The following CPAMD8 variants were observed in gnomAD, a reference collection of about 807,000 sequenced individuals.
CPAMD8 encodes C3 and PZP-like alpha-2-macroglobulin domain-containing protein 8.
Under a neutral mutation model 224.7 loss-of-function variants are expected in CPAMD8, and 146 were observed. The ratio of observed to expected loss-of-function variants is 0.65; its 90% CI spans 0.57 to 0.75. The LOEUF (loss-of-function observed/expected upper bound fraction) is 0.75. Among genes scored for constraint, CPAMD8 ranks in the 30% least tolerant of loss-of-function variants. CPAMD8 has a pLI of 0.00. For synonymous variants in CPAMD8, 966 were observed against 1,044.6 expected (o/e 0.92, Z 1.45); for missense variants, 2,301 against 2,537.5 (o/e 0.91, Z 2.00).
At chr19:17,003,105 G>A (rs2056384630) in intron 8 of CPAMD8, among the ~76,000 whole-genome samples, 1 of 151,772 alleles carries the variant, frequency 6.6e-6, no homozygotes, top group East Asian at 2.0e-4. Context: ...GTTTCACCAT[G>A]TTGGCCAGCC....
intron 18 of CPAMD8, among the ~76,000 whole-genome samples, chr19:16,964,130 C>G (rs957231002): frequency 1.4e-4 from 22 of 152,212 alleles, no homozygotes; most frequent in Admixed American, 4.6e-4. Context: ...ATTAAAAGAA[C>G]TAGAGAAGCA....
At chr19:17,021,980 C>T (rs774234565) in intron 2 of CPAMD8, 50 bp downstream of exon 2, 7 of 1,510,186 alleles carry the variant, frequency 4.6e-6, no homozygotes, top group Non-Finnish European at 6.2e-6. Flanking sequence ...GCAAGTGGCT[C>T]CACTTTGCAA....
chr19:16,926,819 C>T (rs1237894919), intron 25 of CPAMD8, among the ~76,000 whole-genome samples: 2 of 152,172 alleles, frequency 1.3e-5, no homozygotes, highest in African/African-American at 4.8e-5. Flanking sequence ...CTTCTCCTAT[C>T]TCATTCAGTT....
At chr19:16,914,871 G>T in intron 27 of CPAMD8, 58 bp from the exon 28 acceptor site, 2 of 1,325,290 alleles carry the variant, frequency 1.5e-6, no homozygotes, top group Non-Finnish European at 2.1e-6. Context: ...CCCACATGCT[G>T]GCTGAGGGAT....
chr19:16,925,395 T>C (rs774747295), intron 25 of CPAMD8, 23 bp from the exon 26 acceptor site: 10 of 1,596,948 alleles, frequency 6.3e-6, no homozygotes, highest in Non-Finnish European at 8.6e-6. Context: ...AGAAGAGAGT[T>C]GAGTTGGGGG....
chr19:16,996,920 G>A (rs1226797724), intron 11 of CPAMD8, among the ~76,000 whole-genome samples, 191 bp downstream of exon 11: 1 of 151,958 alleles, frequency 6.6e-6, no homozygotes, highest in East Asian at 1.9e-4. Context: ...GTGGAATAGA[G>A]TAGATTGTCC....
chr19:17,026,780 C>T lies in CPAMD8; in HGVS notation c.-138G>A. 8.8e-7 allele frequency: 1 copy of T among 1,131,374 alleles called. No homozygotes were observed. Among genetic ancestry groups the T allele is most frequent in the Non-Finnish European group, 1.1e-6 (1 of 924,922 alleles). The allele number at this position is 1,131,374 out of a possible 1,614,324, so 70.1% of individuals were successfully genotyped here. A position where few individuals can be genotyped will look rare whatever the true frequency, so the allele number is the denominator to read the frequency against. Reference sequence around the variant, plus strand: ...CAGCCCCCGCGCAGTGCGCCCGGCGCCATGCGCCCCGCTCCGCGCCCGGCC... The same window carrying T: ...CAGCCCCCGCGCAGTGCGCCCGGCGTCATGCGCCCCGCTCCGCGCCCGGCC... On this transcript the variant is annotated 5_prime_UTR_variant, in exon 1 of 42. Transcript: ENST00000443236.
At position 16,980,521 on chromosome 19, in the gene CPAMD8, G is replaced by T. The variant is rs762584662; in HGVS notation, c.1561C>A (p.Arg521Ser). 1.9e-6 allele frequency: 3 copies of T among 1,613,678 alleles called. No homozygotes were observed. Among genetic ancestry groups the T allele is most frequent in the African/African-American group, 2.7e-5 (2 of 74,916 alleles). The change falls in exon 14 of 42, where the codon CGT becomes AGT. Residue 521 changes from arginine to serine, a missense_variant. Around this residue, in one of 4 missense-constraint regions of CPAMD8, gnomAD observed 301 missense variants for 406.6 expected, o/e 0.74. Coordinates refer to ENST00000443236, the MANE Select transcript of CPAMD8 (RefSeq NM_015692.5). ...CCTGTCTCAGAAAGGTGTGTTAAAC[G>T]AATCGGTTTCTCCAGGGCAGGGGCC... ...RAAPALEKPI[R>S]LTHLSETEPP... is the part of the protein sequence containing the mutation.
intron 25 of CPAMD8, among the ~76,000 whole-genome samples, chr19:16,926,690 T>C (rs2053374872): frequency 6.6e-6 from 1 of 152,208 alleles, no homozygotes; most frequent in Admixed American, 6.5e-5. Context: ...GTTGCACAAA[T>C]AGCCTGGCTA....
intron 3 of CPAMD8, among the ~76,000 whole-genome samples, chr19:17,013,160 G>C (rs2056709031): frequency 2.0e-5 from 3 of 151,748 alleles, no homozygotes; most frequent in African/African-American, 7.3e-5. Context: ...CAACCTGGGT[G>C]ACAAGAGTGA....
intron 3 of CPAMD8, among the ~76,000 whole-genome samples, chr19:17,016,518 T>C (rs1014194256): frequency 6.6e-6 from 1 of 152,132 alleles, no homozygotes; most frequent in Non-Finnish European, 1.5e-5. Flanking sequence ...GCCAGCACTT[T>C]GGGAGGCTGA....
chr19:17,026,540 A>G lies in CPAMD8; in HGVS notation c.92+11T>C, dbSNP rs1223487989. 1 of 1,498,306 alleles carries G rather than the reference A, an allele frequency of 6.7e-7. No individual in the cohort carries two copies. The highest frequency in any genetic ancestry group is 8.8e-7 in the Non-Finnish European group (1 of 1,133,104). 92.8% of individuals were successfully genotyped at this position (1,498,306 alleles called of 1,614,324 possible). A position where few individuals can be genotyped will look rare whatever the true frequency, so the allele number is the denominator to read the frequency against. On this transcript the variant is annotated intron_variant, in intron 1 of 41. Coordinates refer to ENST00000443236, the MANE Select transcript of CPAMD8 (RefSeq NM_015692.5). ...GGCGACCGACCTCCTCTGTCGCCGG[A>G]GGATACTCACGGGGCCTGAGGCTGC...
intron 13 of CPAMD8, among the ~76,000 whole-genome samples, chr19:16,988,568 C>T (rs999810678): frequency 2.0e-5 from 3 of 151,994 alleles, no homozygotes; most frequent in Non-Finnish European, 2.9e-5. Flanking sequence ...TGAGATCGTG[C>T]CACTGCACTC....
chr19:17,016,022 C>A (rs919661286), intron 3 of CPAMD8, among the ~76,000 whole-genome samples: 7 of 152,182 alleles, frequency 4.6e-5, no homozygotes, highest in South Asian at 2.1e-4. Flanking sequence ...CGTCTCACTG[C>A]AACCTCGATC....
Position 16,902,768 on chromosome 19 carries a change from G to T in CPAMD8, c.4566C>A (p.Pro1522=), listed in dbSNP as rs1319314299. 9 of 1,592,770 alleles carry T rather than the reference G, an allele frequency of 5.7e-6. No homozygotes were observed. In the African/African-American group the frequency reaches 1.1e-4, roughly 19 times the overall value. Residue 1522 remains proline, a synonymous_variant, in exon 35 of 42, where the codon CCC becomes CCA. Coordinates refer to ENST00000443236, the MANE Select transcript of CPAMD8 (RefSeq NM_015692.5). ...LQEPEAQGRP[P]PMPASAAEGS... Reference sequence around the variant, plus strand: ...CCTCAGCTGCGGAGGCAGGCATGGGGGGCGGGCGTCCCTGGGCCTCAGGCT... The same window carrying T: ...CCTCAGCTGCGGAGGCAGGCATGGGTGGCGGGCGTCCCTGGGCCTCAGGCT...
chr19:16,906,557 C>T (rs1473163101), intron 30 of CPAMD8, among the ~76,000 whole-genome samples: 1 of 151,100 alleles, frequency 6.6e-6, no homozygotes, highest in Non-Finnish European at 1.5e-5. Context: ...GCACCTGCCA[C>T]CACACCCAGC....
chr19:16,978,401 C>A (rs2055358209), intron 14 of CPAMD8, among the ~76,000 whole-genome samples: 2 of 152,078 alleles, frequency 1.3e-5, no homozygotes, highest in Admixed American at 1.3e-4. Context: ...TGGGGAGTTC[C>A]AAGCCCAGGG....
intron 3 of CPAMD8, among the ~76,000 whole-genome samples, chr19:17,019,828 C>A (rs187494224): frequency 6.6e-5 from 10 of 152,060 alleles, no homozygotes; most frequent in African/African-American, 2.2e-4. Flanking sequence ...CTCAGCCTCG[C>A]AAAGTGCTGG....
intron 25 of CPAMD8, among the ~76,000 whole-genome samples, chr19:16,926,445 G>A (rs934360345): frequency 6.6e-6 from 1 of 152,120 alleles, no homozygotes; most frequent in Non-Finnish European, 1.5e-5. Flanking sequence ...AGCCTCCCAA[G>A]TAGCTGGGAT....
Sources: gnomAD v4.1 joint callset for allele counts (sites outside exome capture counted in the v4.1 genomes callset) on GRCh38, gnomAD v4.1.1 for gene constraint, gnomAD v4.1.1 regional missense constraint, MANE v1.5 for transcripts, NCBI Gene and HGNC (gene_info 2026-07-23, HGNC 2026-07-21) for gene names.